Variants in STYK1 observed in about 807,000 individuals in gnomAD.
The protein encoded by STYK1 is STY kinase 1, also known as tyrosine-protein kinase STYK1.
In STYK1, 46 loss-of-function variants were observed where a neutral mutation model predicts 48.1. The observed-to-expected ratio is 0.96, with a 90% CI of 0.75 to 1.22. The LOEUF (loss-of-function observed/expected upper bound fraction) is 1.22, where lower values mean the gene tolerates loss of function less well. Ranked by LOEUF, STYK1 falls within the 50% of genes most tolerant of loss-of-function variation. STYK1 has a pLI of 0.00. For synonymous variants in STYK1, 188 were observed against 189.0 expected, an observed-to-expected ratio of 0.99 and a Z score of 0.04; for missense variants, 527 against 521.1, an observed-to-expected ratio of 1.01 and a Z score of -0.11.
intron 1 of STYK1, among the ~76,000 whole-genome samples, chr12:10,669,524 A>G (rs1591708787): frequency 6.6e-6 from 1 of 152,200 alleles, no homozygotes; most frequent in Admixed American, 6.5e-5. Flanking sequence ...GACACTGTGA[A>G]AGTACTAGAA....
chr12:10,656,327 G>A (rs903377963), intron 1 of STYK1, among the ~76,000 whole-genome samples: 6 of 111,196 alleles, frequency 5.4e-5, no homozygotes, highest in Admixed American at 2.5e-4. Context: ...TCAGCAGCAT[G>A]AAAATGGATG....
At chr12:10,658,624 A>T (rs1271455882) in intron 1 of STYK1, among the ~76,000 whole-genome samples, 1 of 152,170 alleles carries the variant, frequency 6.6e-6, no homozygotes, top group South Asian at 2.1e-4. Flanking sequence ...TGACCTAATT[A>T]ATCTTTTCGT....
chr12:10,633,940 A>T (rs1359881980), intron 4 of STYK1, 50 bp downstream of exon 4: 1 of 1,591,728 alleles, frequency 6.3e-7, no homozygotes, highest in African/African-American at 1.4e-5. Context: ...ACTTTTTCCT[A>T]ATCTCCATCT....
chr12:10,621,561 C>A (rs570966327), intron 10 of STYK1, among the ~76,000 whole-genome samples: 1 of 152,168 alleles, frequency 6.6e-6, no homozygotes, highest in East Asian at 1.9e-4. Context: ...TTACTTGTTA[C>A]CTATTTTAGA....
At chr12:10,643,619 T>A (rs1414677873) in intron 1 of STYK1, among the ~76,000 whole-genome samples, 1 of 152,136 alleles carries the variant, frequency 6.6e-6, no homozygotes, top group Admixed American at 6.6e-5. Flanking sequence ...AAGTTTAGGG[T>A]GCTATAAAAA....
chr12:10,665,345 T>C (rs1947823502), intron 1 of STYK1, among the ~76,000 whole-genome samples: 1 of 152,194 alleles, frequency 6.6e-6, no homozygotes, highest in Admixed American at 6.5e-5. Context: ...ACAAATGCCG[T>C]AGAATGCCCT....
chr12:10,625,822 A>C (rs1385476949), intron 7 of STYK1, among the ~76,000 whole-genome samples: 2 of 152,212 alleles, frequency 1.3e-5, no homozygotes, highest in Non-Finnish European at 2.9e-5. Context: ...TTTTCACCCC[A>C]GATTTAATAA....
chr12:10,623,575 C>T (rs1228701052), intron 8 of STYK1, among the ~76,000 whole-genome samples: 1 of 152,014 alleles, frequency 6.6e-6, no homozygotes, highest in East Asian at 1.9e-4. Context: ...AAAGTGTTAT[C>T]TTCCTTCAAA....
intron 1 of STYK1, among the ~76,000 whole-genome samples, chr12:10,661,817 C>A (rs1172217072): frequency 1.3e-5 from 2 of 150,178 alleles, no homozygotes; most frequent in African/African-American, 4.9e-5. Context: ...TATTTTTTTG[C>A]AAAATTAGAA....
rs10743911 is a variant in STYK1 at position 10,619,620 on chromosome 12, A to G, written c.*524T>C. 55,014 of 163,624 alleles carry G rather than the reference A, an allele frequency of 0.34. 10,426 individuals are homozygous for G. Among genetic ancestry groups the G allele is most frequent in the East Asian group, 0.78 (4,530 of 5,828 alleles). The allele number at this position is 163,624 out of a possible 1,614,324, so 10.1% of individuals were successfully genotyped here. On this transcript the variant is annotated 3_prime_UTR_variant, in exon 11 of 11. Transcript: ENST00000075503. ...GTTTTTCCGTTATAGTTCTCCTCCAACCCCACATGTAGGGCTCAGGACTGA... is the reference window on the plus strand; with the variant it reads ...GTTTTTCCGTTATAGTTCTCCTCCAGCCCCACATGTAGGGCTCAGGACTGA...
intron 1 of STYK1, among the ~76,000 whole-genome samples, chr12:10,665,418 G>T (rs1408624403): frequency 6.6e-6 from 1 of 152,184 alleles, no homozygotes; most frequent in Non-Finnish European, 1.5e-5. Flanking sequence ...ACTGGTGGGG[G>T]AATTAAGGCA....
intron 1 of STYK1, among the ~76,000 whole-genome samples, chr12:10,650,838 T>TA (rs1286412730): frequency 6.7e-5 from 10 of 150,118 alleles, no homozygotes; most frequent in African/African-American, 1.2e-4. Flanking sequence ...CCGTCTCTAC[T>TA]AAAAAAAAAT....
chr12:10,658,463 G>GC (rs1258445087), intron 1 of STYK1, among the ~76,000 whole-genome samples: 1 of 152,168 alleles, frequency 6.6e-6, no homozygotes, highest in Non-Finnish European at 1.5e-5. Flanking sequence ...AATGAGTAAA[G>GC]TTTTTTGTCT....
At chr12:10,649,908 C>T (rs1044581655) in intron 1 of STYK1, among the ~76,000 whole-genome samples, 1 of 151,802 alleles carries the variant, frequency 6.6e-6, no homozygotes, top group Admixed American at 6.6e-5. Flanking sequence ...GTCAGGAGAT[C>T]GAGACCATCC....
At chr12:10,634,175 G>A (rs1947460864) in intron 3 of STYK1, 51 bp from the exon 4 acceptor site, 1 of 1,578,280 alleles carries the variant, frequency 6.3e-7, no homozygotes, top group Non-Finnish European at 8.6e-7. Flanking sequence ...GCCTAACCTG[G>A]TGTTCATGCA....
chr12:10,666,266 A>G (rs1465051315), intron 1 of STYK1, among the ~76,000 whole-genome samples: 1 of 152,216 alleles, frequency 6.6e-6, no homozygotes. Flanking sequence ...GACTTGACAT[A>G]CAATTGGTCC....
At chr12:10,629,953 T>C (rs1947404261) in intron 5 of STYK1, among the ~76,000 whole-genome samples, 1 of 152,140 alleles carries the variant, frequency 6.6e-6, no homozygotes, top group Non-Finnish European at 1.5e-5. Flanking sequence ...GTTATCACTG[T>C]CTAGTCCTTT....
chr12:10,664,936 T>C lies in STYK1; in HGVS notation c.-195+9030A>G, dbSNP rs74396328. 5.4e-3 allele frequency among the ~76,000 whole-genome samples: 820 copies of C among 152,314 alleles called. 11 individuals are homozygous for C. The highest frequency in any genetic ancestry group is 0.03 in the East Asian group (157 of 5,188). On this transcript the variant is annotated intron_variant, in intron 1 of 10. Coordinates refer to ENST00000075503, the MANE Select transcript of STYK1 (RefSeq NM_018423.3). ...GCTATTTTACCAACTTCATATTGCA[T>C]GTGGAAACCAAGTTTAAGTGAAAAG...
chr12:10,659,758 C>T lies in STYK1; in HGVS notation c.-195+14208G>A, dbSNP rs576813203. 5.9e-5 allele frequency among the ~76,000 whole-genome samples: 9 copies of T among 152,250 alleles called. No individual in the cohort carries two copies. In the East Asian group the frequency reaches 1.7e-3, roughly 29 times the overall value. ...AGAACCTATGTGAAAAATAATTATT[C>T]TTGCTGAACTTCATATAAATAATCA... is the stretch of plus-strand genomic sequence containing the variant. On this transcript the variant is annotated intron_variant, in intron 1 of 10. Coordinates refer to ENST00000075503, the MANE Select transcript of STYK1 (RefSeq NM_018423.3).
Sources: gnomAD v4.1 joint callset for allele counts (sites outside exome capture counted in the v4.1 genomes callset) on GRCh38, gnomAD v4.1.1 for gene constraint, MANE v1.5 for transcripts, NCBI Gene and HGNC (gene_info 2026-07-23, HGNC 2026-07-21) for gene names.